ALKAL1: variants seen among roughly 807,000 people sequenced by gnomAD.
ALKAL1 encodes the protein AUG-beta.
ALKAL1 carries 23 observed loss-of-function variants against 13.5 expected under a neutral mutation model. The ratio of observed to expected loss-of-function variants is 1.70; its 90% confidence interval spans 1.23 to 2.41. ALKAL1 has a LOEUF of 2.41. ALKAL1 is among the 30% of genes most tolerant of loss of function. The pLI, the probability that ALKAL1 is intolerant of heterozygous loss-of-function variation, is 0.00. For missense variants in ALKAL1, 181 were observed against 178.4 expected, an observed-to-expected ratio of 1.01 and a Z score of -0.08; for synonymous variants, 85 against 77.7, an observed-to-expected ratio of 1.09 and a Z score of -0.49.
chr8:52,554,839 G>C (rs2150346987), intron 1 of ALKAL1, among the ~76,000 whole-genome samples: 1 of 152,246 alleles, frequency 6.6e-6, no homozygotes, highest in Non-Finnish European at 1.5e-5. Flanking sequence ...GGAAGAGATG[G>C]GTCAACTGCA....
intron 1 of ALKAL1, among the ~76,000 whole-genome samples, chr8:52,546,869 C>G (rs1281886661): frequency 6.6e-6 from 1 of 152,180 alleles, no homozygotes; most frequent in East Asian, 1.9e-4. Context: ...TCCTTTGTCT[C>G]TGTGCTGACT....
At chr8:52,556,289 A>G (rs189964309) in intron 1 of ALKAL1, among the ~76,000 whole-genome samples, 1 of 152,340 alleles carries the variant, frequency 6.6e-6, no homozygotes, top group East Asian at 1.9e-4. Context: ...ATTAGATAGT[A>G]AAATAGAATA....
intron 1 of ALKAL1, among the ~76,000 whole-genome samples, chr8:52,559,046 A>C (rs1399663313): frequency 1.3e-5 from 2 of 152,088 alleles, no homozygotes; most frequent in Non-Finnish European, 2.9e-5. Context: ...ACTAGCTCTC[A>C]AGAAAAGTAA....
intron 1 of ALKAL1, among the ~76,000 whole-genome samples, chr8:52,543,863 C>A (rs1847338984): frequency 6.6e-6 from 1 of 152,160 alleles, no homozygotes; most frequent in Non-Finnish European, 1.5e-5. Flanking sequence ...ATAAATAATT[C>A]TATTTCCAAA....
chr8:52,551,640 G>T (rs1042038447), intron 1 of ALKAL1, among the ~76,000 whole-genome samples: 1 of 151,408 alleles, frequency 6.6e-6, no homozygotes, highest in Non-Finnish European at 1.5e-5. Context: ...CTCACTCCAG[G>T]TTATTTATAT....
chr8:52,551,338 C>G (rs1847428067), intron 1 of ALKAL1, among the ~76,000 whole-genome samples: 1 of 152,062 alleles, frequency 6.6e-6, no homozygotes, highest in Non-Finnish European at 1.5e-5. Context: ...CCTGTCACCA[C>G]AGCTGGAGTG....
chr8:52,536,439 T>C (rs1302791769), intron 4 of ALKAL1, among the ~76,000 whole-genome samples: 1 of 152,212 alleles, frequency 6.6e-6, no homozygotes, highest in Non-Finnish European at 1.5e-5. Context: ...TAAATAAATG[T>C]TACAATTTAC....
At chr8:52,541,634 T>C (rs1590865550) in intron 2 of ALKAL1, among the ~76,000 whole-genome samples, 1 of 152,060 alleles carries the variant, frequency 6.6e-6, no homozygotes, top group Admixed American at 6.5e-5. Context: ...CCAGGTGTGG[T>C]GGCACATGCC....
At chr8:52,562,894 G>T (rs761842177) in intron 1 of ALKAL1, among the ~76,000 whole-genome samples, 14 of 152,100 alleles carry the variant, frequency 9.2e-5, no homozygotes, top group Non-Finnish European at 1.8e-4. Context: ...ATCCAGATAG[G>T]CCCTTGTCCT....
At chr8:52,560,169 C>T (rs914166303) in intron 1 of ALKAL1, among the ~76,000 whole-genome samples, 27 of 151,928 alleles carry the variant, frequency 1.8e-4, no homozygotes, top group African/African-American at 6.0e-4. Flanking sequence ...CATCAATGAA[C>T]GATATCATCA....
In ALKAL1 at chr8:52,565,247, G is replaced by A; in HGVS notation, c.10C>T (p.Leu4Phe). ...GCGGGCAAAGGGGCGCCGGGCTTAA[G>A]GGGCCGCATGTTCGCAAGCCGGGAG... MRP[L>F]KPGAPLPALF... Residue 4 changes from leucine (L) to phenylalanine (F), a missense_variant, in exon 1 of 5, where the codon CTT becomes TTT. Leu to Phe is a conservative substitution (Grantham distance 22, BLOSUM62 0). Coordinates refer to ENST00000358543, the MANE Select transcript of ALKAL1 (RefSeq NM_207413.4). The A allele has an allele frequency of 2.3e-6, 3 of 1,313,676 alleles. No homozygotes were observed. The highest frequency in any genetic ancestry group is 2.9e-6 in the Non-Finnish European group (3 of 1,024,440). The allele number at this position is 1,313,676 out of a possible 1,614,324, so 81.4% of individuals were successfully genotyped here.
Position 52,534,531 on chromosome 8 carries a change from A to T in ALKAL1, c.*82T>A. ...TAATATCCATAAAAATATAAATTTC[A>T]TCTTTTTTTACATTTTGCATGATTT... On this transcript the variant is annotated 3_prime_UTR_variant, in exon 5 of 5. Transcript: ENST00000358543. The T allele has an allele frequency of 1.7e-6, 1 of 584,728 alleles. No individual in the cohort carries two copies. Among genetic ancestry groups the T allele is most frequent in the Non-Finnish European group, 3.0e-6 (1 of 334,008 alleles). The allele number at this position is 584,728 out of a possible 1,614,324, so 36.2% of individuals were successfully genotyped here. A position where few individuals can be genotyped will look rare whatever the true frequency, so the allele number is the denominator to read the frequency against.
At chr8:52,543,800 G>A (rs1847338135) in intron 1 of ALKAL1, among the ~76,000 whole-genome samples, 1 of 152,054 alleles carries the variant, frequency 6.6e-6, no homozygotes, top group Non-Finnish European at 1.5e-5. Flanking sequence ...AAAAATGAAT[G>A]AGCTGAGTAC....
intron 1 of ALKAL1, among the ~76,000 whole-genome samples, chr8:52,561,262 C>A (rs528443393): frequency 6.6e-6 from 1 of 152,238 alleles, no homozygotes; most frequent in East Asian, 1.9e-4. Flanking sequence ...ATTACGCAAG[C>A]CCCTGCAGTA....
intron 1 of ALKAL1, among the ~76,000 whole-genome samples, chr8:52,544,419 T>C (rs1181741520): frequency 6.6e-6 from 1 of 152,050 alleles, no homozygotes; most frequent in Non-Finnish European, 1.5e-5. Flanking sequence ...TGTTCAAGTA[T>C]TGGGGGAAAT....
intron 1 of ALKAL1, among the ~76,000 whole-genome samples, chr8:52,556,464 G>C (rs1012806594): frequency 6.6e-6 from 1 of 151,552 alleles, no homozygotes; most frequent in Non-Finnish European, 1.5e-5. Context: ...TGGCTAACAC[G>C]GTGAAACCCC....
chr8:52,552,444 G>A (rs1563322313), intron 1 of ALKAL1, among the ~76,000 whole-genome samples: 1 of 152,162 alleles, frequency 6.6e-6, no homozygotes, highest in Non-Finnish European at 1.5e-5. Flanking sequence ...CTCAGAAGGA[G>A]GTCACTATGC....
chr8:52,563,158 C>CT (rs1415782971), intron 1 of ALKAL1, among the ~76,000 whole-genome samples: 6 of 152,202 alleles, frequency 3.9e-5, no homozygotes, highest in African/African-American at 1.2e-4. Context: ...TGGCTCATGC[C>CT]TGTAATTCCA....
intron 1 of ALKAL1, among the ~76,000 whole-genome samples, chr8:52,556,722 G>C (rs914988542): frequency 6.9e-6 from 1 of 145,590 alleles, no homozygotes; most frequent in South Asian, 2.2e-4. Context: ...TAACACAACT[G>C]AACCAAAATT....
Sources: allele counts gnomAD v4.1 joint callset (sites outside exome capture counted in the v4.1 genomes callset), GRCh38; gene constraint gnomAD v4.1.1; transcripts MANE v1.5; gene names NCBI Gene and HGNC (gene_info 2026-07-23, HGNC 2026-07-21).